Variants in UBE2Q1 observed in about 807,000 individuals in gnomAD.
The protein encoded by UBE2Q1 is ubiquitin-conjugating enzyme E2 Q1.
Under a neutral mutation model 60.1 loss-of-function variants are expected in UBE2Q1, and 6 were observed. That is an observed-to-expected ratio of 0.10 (90% CI 0.05 to 0.20). UBE2Q1 has a LOEUF of 0.20. UBE2Q1 is among the 10% of genes least tolerant of loss of function. UBE2Q1 has a pLI of 1.00. For synonymous variants in UBE2Q1, 226 were observed against 208.3 expected (o/e 1.09, Z -0.73); for missense variants, 262 against 525.8 (o/e 0.50, Z 4.91).
At chr1:154,552,284 C>T (rs1695803134) in intron 7 of UBE2Q1, 101 bp from the exon 8 acceptor site, 41 of 1,590,050 alleles carry the variant, frequency 2.6e-5, no homozygotes, top group Non-Finnish European at 3.2e-5. Flanking sequence ...AACCACTGCC[C>T]ACACCCGCTC....
chr1:154,554,578 C>T, intron 4 of UBE2Q1, 157 bp downstream of exon 4: 2 of 739,600 alleles, frequency 2.7e-6, no homozygotes, highest in East Asian at 2.8e-5. Context: ...TGCCCTGTCT[C>T]CTCTACTACA....
rs1041281863 is a variant in UBE2Q1, at chr1:154,551,164, A to G, written c.1171-160T>C. On this transcript the variant is annotated intron_variant, in intron 11 of 12. Coordinates refer to ENST00000292211, the MANE Select transcript of UBE2Q1 (RefSeq NM_017582.7). ...TCCACCTTCGAGGTCCCTTGGAGGC[A>G]TAATCCCATAGTCTTCCTTTTCCAG... is the stretch of plus-strand genomic sequence containing the variant. 1.5e-5 allele frequency: 14 copies of G among 915,040 alleles called. No homozygotes were observed. The African/African-American group carries it at 1.6e-4, about 11-fold the overall frequency. The allele number at this position is 915,040 out of a possible 1,614,324, so 56.7% of individuals were successfully genotyped here.
At chr1:154,552,945 G>C in intron 5 of UBE2Q1, 87 bp downstream of exon 5, 3 of 1,593,222 alleles carry the variant, frequency 1.9e-6, no homozygotes, top group South Asian at 2.3e-5. Context: ...AAAGGAGTCT[G>C]CTCTCCATAC....
chr1:154,550,836 G>A (rs1407746771), intron 12 of UBE2Q1, 102 bp downstream of exon 12: 16 of 1,599,398 alleles, frequency 1.0e-5, no homozygotes, highest in Admixed American at 1.7e-5. Flanking sequence ...ATGGGTGGTT[G>A]AGTATCAGAA....
chr1:154,550,510 C>A (rs1403408799), intron 12 of UBE2Q1, 41 bp from the exon 13 acceptor site: 2 of 1,612,804 alleles, frequency 1.2e-6, no homozygotes, highest in African/African-American at 2.7e-5. Flanking sequence ...AAGGTTCAGG[C>A]CCACCCTCCC....
chr1:154,556,889 C>T (rs1205019808), intron 1 of UBE2Q1, among the ~76,000 whole-genome samples: 1 of 152,154 alleles, frequency 6.6e-6, no homozygotes, highest in Non-Finnish European at 1.5e-5. Context: ...CTCGAGGTTC[C>T]CACACAAGCC....
rs1695939338 is a variant in UBE2Q1, at chr1:154,558,633, CCG to C, written c.-82_-81del. On this transcript the variant is annotated 5_prime_UTR_variant, in exon 1 of 13. Coordinates refer to ENST00000292211, the MANE Select transcript of UBE2Q1 (RefSeq NM_017582.7). ...CCGGGCTCCGCCGCCGCCGCCGCCG[CCG>C]CCGCCGCCGCCGCGGTCCGCACTTC... 1.0e-6 allele frequency: 1 copy of C among 1,001,914 alleles called. No homozygotes were observed. Among genetic ancestry groups the C allele is most frequent in the Non-Finnish European group, 1.2e-6 (1 of 844,268 alleles). 62.1% of individuals were successfully genotyped at this position (1,001,914 alleles called of 1,614,324 possible).
chr1:154,552,856 G>T (rs369186175), intron 5 of UBE2Q1, 36 bp from the exon 6 acceptor site: 1 of 1,611,308 alleles, frequency 6.2e-7, no homozygotes, highest in Admixed American at 1.7e-5. Flanking sequence ...TTCCTTGGTC[G>T]TGTGGTTTAT....
intron 1 of UBE2Q1, 136 bp downstream of exon 1, chr1:154,558,091 G>A: frequency 1.5e-6 from 1 of 665,780 alleles, no homozygotes; most frequent in South Asian, 2.3e-5. Flanking sequence ...AGAAACAAAT[G>A]TAACCTGGAG....
chr1:154,555,291 G>T, intron 3 of UBE2Q1, 137 bp downstream of exon 3: 1 of 736,066 alleles, frequency 1.4e-6, no homozygotes, highest in Non-Finnish European at 2.4e-6. Flanking sequence ...AGAAGAACGA[G>T]GGTGAGAGTC....
At chr1:154,550,739 C>T (rs4520411) in intron 12 of UBE2Q1, 199 bp downstream of exon 12, 969,261 of 985,288 alleles carry the variant, frequency 0.98, 478,571 homozygotes, top group East Asian at 1. Flanking sequence ...ATCGGTGATA[C>T]GATCATTTTG....
At position 154,552,598 on chromosome 1, in the gene UBE2Q1, C is replaced by T. The variant is rs1571007974; in HGVS notation, c.815-134G>A. 4 of 1,430,886 alleles carry T rather than the reference C, an allele frequency of 2.8e-6. No individual in the cohort carries two copies. The East Asian group carries it at 9.2e-5, about 33-fold the overall frequency. The allele number at this position is 1,430,886 out of a possible 1,614,324, so 88.6% of individuals were successfully genotyped here. On this transcript the variant is annotated intron_variant, in intron 6 of 12. Coordinates refer to ENST00000292211, the MANE Select transcript of UBE2Q1 (RefSeq NM_017582.7). Reference sequence around the variant, plus strand: ...CACCACAGATGGACATGCAACCAAGCCACTGGCTTGAGGAGCTCCATTCTT... The same window carrying T: ...CACCACAGATGGACATGCAACCAAGTCACTGGCTTGAGGAGCTCCATTCTT...
chr1:154,551,009 G>T lies in UBE2Q1; in HGVS notation c.1171-5C>A. ...TCTTGTCAGACTGTATTGAGACTGG[G>T]GAGAGGAAGCCACCAGATCAGGCCA... is the stretch of plus-strand genomic sequence containing the variant. On this transcript the variant is annotated splice_region_variant and splice_polypyrimidine_tract_variant and intron_variant, in intron 11 of 12. Coordinates refer to ENST00000292211, the MANE Select transcript of UBE2Q1 (RefSeq NM_017582.7). 1 of 1,614,062 alleles carries T rather than the reference G, an allele frequency of 6.2e-7. No homozygotes were observed. Among genetic ancestry groups the T allele is most frequent in the South Asian group, 1.1e-5 (1 of 91,078 alleles).
intron 4 of UBE2Q1, among the ~76,000 whole-genome samples, chr1:154,553,865 C>T (rs1695838150): frequency 6.6e-6 from 1 of 152,196 alleles, no homozygotes. Context: ...GGGTGTGGCC[C>T]AGAGGGCTGT....
In UBE2Q1 at chr1:154,558,455, C is replaced by G. The variant is rs1271577962; in HGVS notation, c.99G>C (p.Gly33=). ...AAPGAGGGPG[G]GPGPGPCLRR... is the part of the protein sequence containing the mutation. ...TCAGGCAGGGCCCCGGCCCCGGGCC[C>G]CCCCCTGGGCCGCCCCCGGCCCCCG... Residue 33 remains glycine (G), a synonymous_variant, in exon 1 of 13, where the codon GGG becomes GGC. Coordinates refer to ENST00000292211, the MANE Select transcript of UBE2Q1 (RefSeq NM_017582.7). 2.2e-6 allele frequency: 3 copies of G among 1,387,724 alleles called. No homozygotes were observed. Among genetic ancestry groups the G allele is most frequent in the Admixed American group, 3.4e-5 (1 of 29,568 alleles). 86.0% of individuals were successfully genotyped at this position (1,387,724 alleles called of 1,614,324 possible). A position where few individuals can be genotyped will look rare whatever the true frequency, so the allele number is the denominator to read the frequency against.
intron 11 of UBE2Q1, 130 bp from the exon 12 acceptor site, chr1:154,551,134 T>C: frequency 9.2e-7 from 1 of 1,086,154 alleles, no homozygotes; most frequent in South Asian, 1.3e-5. Context: ...AAACACTAAG[T>C]ACCCTCCACC....
At chr1:154,554,214 C>T (rs890678257) in intron 4 of UBE2Q1, among the ~76,000 whole-genome samples, 6 of 152,182 alleles carry the variant, frequency 3.9e-5, no homozygotes, top group African/African-American at 1.4e-4. Context: ...CTTAGCAGAG[C>T]TAAGATTCAG....
At chr1:154,550,661 C>T (rs1378538014) in intron 12 of UBE2Q1, 192 bp from the exon 13 acceptor site, 1 of 985,120 alleles carries the variant, frequency 1.0e-6, no homozygotes, top group Admixed American at 6.2e-5. Context: ...ATGTGCCCAA[C>T]CTGAGATGAT....
intron 7 of UBE2Q1, 55 bp from the exon 8 acceptor site, chr1:154,552,238 A>G: frequency 6.2e-7 from 1 of 1,604,846 alleles, no homozygotes; most frequent in Non-Finnish European, 8.5e-7. Context: ...GGAGCTTCAT[A>G]AGGGCTCCCC....
Sources: allele counts gnomAD v4.1 joint callset (sites outside exome capture counted in the v4.1 genomes callset), GRCh38; gene constraint gnomAD v4.1.1; transcripts MANE v1.5; gene names NCBI Gene and HGNC (gene_info 2026-07-23, HGNC 2026-07-21).